Variants in SRPK1 observed in about 807,000 individuals in gnomAD.
SRPK1 encodes SFRS protein kinase 1.
In SRPK1, 52 loss-of-function variants were observed where a neutral mutation model predicts 89.5. The observed-to-expected ratio is 0.58, with a 90% confidence interval of 0.46 to 0.73. SRPK1 has a LOEUF of 0.73. Among genes scored for constraint, SRPK1 ranks in the 30% least tolerant of loss-of-function variants. The probability of loss-of-function intolerance (pLI) is 0.00; values close to 1 mark genes in which losing one functional copy is unlikely to be tolerated. For synonymous variants in SRPK1, 255 were observed against 270.2 expected, an observed-to-expected ratio of 0.94 and a Z score of 0.55; for missense variants, 603 against 780.6, an observed-to-expected ratio of 0.77 and a Z score of 2.71.
chr6:35,871,456 C>G (rs1770033942), intron 8 of SRPK1, among the ~76,000 whole-genome samples: 1 of 152,166 alleles, frequency 6.6e-6, no homozygotes, highest in African/African-American at 2.4e-5. Context: ...TAACAAAAAA[C>G]ACATAATAAA....
At chr6:35,906,485 A>G (rs1038050432) in intron 2 of SRPK1, among the ~76,000 whole-genome samples, 4 of 152,372 alleles carry the variant, frequency 2.6e-5, no homozygotes, top group East Asian at 3.9e-4. Flanking sequence ...TTGGCCTCCC[A>G]AAGTGCTGAG....
At chr6:35,863,571 A>T (rs866252555) in intron 12 of SRPK1, among the ~76,000 whole-genome samples, 1 of 149,740 alleles carries the variant, frequency 6.7e-6, no homozygotes, top group African/African-American at 2.4e-5. Flanking sequence ...CTAACAAGAG[A>T]GTTAAGGCAT....
intron 6 of SRPK1, among the ~76,000 whole-genome samples, chr6:35,879,239 G>C (rs112166047): frequency 1.8e-4 from 28 of 151,588 alleles, no homozygotes; most frequent in African/African-American, 6.5e-4. Context: ...GACTACATAA[G>C]AAAAACAAAT....
intron 6 of SRPK1, among the ~76,000 whole-genome samples, chr6:35,885,038 A>T (rs1770372536): frequency 6.6e-6 from 1 of 152,126 alleles, no homozygotes; most frequent in Non-Finnish European, 1.5e-5. Flanking sequence ...ATAGTTAAAA[A>T]GCCTTCTTTG....
chr6:35,863,311 G>A (rs1769822637), intron 12 of SRPK1, among the ~76,000 whole-genome samples: 1 of 151,264 alleles, frequency 6.6e-6, no homozygotes, highest in African/African-American at 2.4e-5. Flanking sequence ...AAAAAAATTA[G>A]CTGAGCCTGG....
chr6:35,843,563 G>T (rs1244851059), intron 13 of SRPK1, among the ~76,000 whole-genome samples: 1 of 151,606 alleles, frequency 6.6e-6, no homozygotes, highest in Non-Finnish European at 1.5e-5. Context: ...TGATTCTCCT[G>T]CCTCAGCCTC....
At chr6:35,850,632 T>A (rs974896304) in intron 13 of SRPK1, among the ~76,000 whole-genome samples, 1 of 151,958 alleles carries the variant, frequency 6.6e-6, no homozygotes, top group African/African-American at 2.4e-5. Context: ...ATATCAAAGA[T>A]GTACGTAAGA....
chr6:35,873,455 C>G (rs1195255788), intron 7 of SRPK1, among the ~76,000 whole-genome samples: 1 of 151,722 alleles, frequency 6.6e-6, no homozygotes, highest in Non-Finnish European at 1.5e-5. Context: ...ACAATAAATT[C>G]TAAAGGTTGA....
intron 13 of SRPK1, among the ~76,000 whole-genome samples, chr6:35,844,136 G>A (rs528704942): frequency 2.0e-4 from 31 of 151,564 alleles, no homozygotes; most frequent in African/African-American, 7.5e-4. Flanking sequence ...TCCCCAGTAG[G>A]TGGGACTACA....
intron 7 of SRPK1, among the ~76,000 whole-genome samples, chr6:35,873,256 G>A (rs1770072771): frequency 6.6e-6 from 1 of 152,164 alleles, no homozygotes; most frequent in African/African-American, 2.4e-5. Flanking sequence ...GAATCATGCT[G>A]TATAAAGAGA....
Position 35,882,176 on chromosome 6 carries a change from A to AGCAGC in SRPK1, c.478+4547_478+4548insGCTGC, listed in dbSNP as rs1561984454. 3.5e-3 allele frequency among the ~76,000 whole-genome samples: 505 copies of AGCAGC among 143,830 alleles called. 4 individuals carry two copies. The highest frequency in any genetic ancestry group is 0.013 in the African/African-American group (464 of 36,958). The allele number at this position is 143,830 out of a possible 152,430, so 94.4% of individuals were successfully genotyped here. ...GTAGTAGTAGTAGCAGCAGCAGCAG[A>AGCAGC]AGAAGAAGAAGACAAAAAGAAAATA... On this transcript the variant is annotated intron_variant, in intron 6 of 15. Coordinates refer to ENST00000373825, the MANE Select transcript of SRPK1 (RefSeq NM_003137.5).
chr6:35,869,358 A>T, intron 11 of SRPK1, 124 bp downstream of exon 11: 1 of 1,201,826 alleles, frequency 8.3e-7, no homozygotes, highest in Non-Finnish European at 1.2e-6. Flanking sequence ...ATTACAATTT[A>T]AACGTAACTT....
chr6:35,842,478 G>C lies in SRPK1; in HGVS notation c.1690+57C>G, dbSNP rs192314097. 2.8e-3 allele frequency: 3,885 copies of C among 1,383,510 alleles called. 14 individuals carry two copies. The highest frequency in any genetic ancestry group is 3.6e-3 in the Non-Finnish European group (3,593 of 1,001,936). The allele number at this position is 1,383,510 out of a possible 1,614,324, so 85.7% of individuals were successfully genotyped here. On this transcript the variant is annotated intron_variant, in intron 14 of 15. Transcript: ENST00000373825. ...TCTTCGGTACTAACAAATGATGTTA[G>C]CTTAATGTGGAAAGTGTAAATACCA...
chr6:35,878,900 G>A (rs1210499483), intron 6 of SRPK1, among the ~76,000 whole-genome samples: 1 of 152,136 alleles, frequency 6.6e-6, no homozygotes, highest in Non-Finnish European at 1.5e-5. Flanking sequence ...AGACCAGCCT[G>A]GCAAACATGG....
intron 14 of SRPK1, among the ~76,000 whole-genome samples, chr6:35,839,092 G>A (rs1027888582): frequency 4.6e-5 from 7 of 152,240 alleles, no homozygotes; most frequent in Non-Finnish European, 1.0e-4. Flanking sequence ...CCAAATATGT[G>A]TTAGGCATTC....
chr6:35,837,048 G>T (rs375172343), intron 15 of SRPK1, among the ~76,000 whole-genome samples: 154 of 152,246 alleles, frequency 1.0e-3, no homozygotes, highest in African/African-American at 3.6e-3. Flanking sequence ...TGGCACAATG[G>T]GGGTAGAAAA....
intron 2 of SRPK1, among the ~76,000 whole-genome samples, chr6:35,892,242 T>C (rs1045259850): frequency 3.3e-5 from 5 of 152,232 alleles, no homozygotes; most frequent in African/African-American, 1.2e-4. Context: ...CTTCTCTATA[T>C]GTCTTCAATT....
At chr6:35,890,457 A>T (rs985669914) in intron 3 of SRPK1, among the ~76,000 whole-genome samples, 3 of 152,258 alleles carry the variant, frequency 2.0e-5, no homozygotes, top group African/African-American at 7.2e-5. Context: ...AAGAAACAGA[A>T]AAGATTAACA....
chr6:35,862,327 G>C (rs1025100385), intron 12 of SRPK1, among the ~76,000 whole-genome samples: 1 of 152,024 alleles, frequency 6.6e-6, no homozygotes. Context: ...TGGCTCAGCT[G>C]GCATCCAAGT....
Sources: allele counts gnomAD v4.1 joint callset (sites outside exome capture counted in the v4.1 genomes callset), GRCh38; gene constraint gnomAD v4.1.1; transcripts MANE v1.5; gene names NCBI Gene and HGNC (gene_info 2026-07-23, HGNC 2026-07-21).